UMAD1: variants seen among roughly 807,000 people sequenced by gnomAD.
The protein encoded by UMAD1 is UBAP1-MVB12-associated (UMA)-domain containing protein 1.
A neutral mutation model predicts 6.1 loss-of-function variants in UMAD1; 8 were observed. The ratio of observed to expected loss-of-function variants is 1.30; its 90% CI spans 0.76 to 2.35. UMAD1 has a LOEUF of 2.35. Ranked by LOEUF, UMAD1 falls within the 30% of genes most tolerant of loss-of-function variation. UMAD1 has a pLI of 0.00. For synonymous variants in UMAD1, 56 were observed against 31.4 expected, an observed-to-expected ratio of 1.78 and a Z score of -2.61; for missense variants, 130 against 78.4, an observed-to-expected ratio of 1.66 and a Z score of -2.49.
chr7:7,691,728 CAA>C (rs1780176903), intron 2 of UMAD1, among the ~76,000 whole-genome samples: 1 of 152,176 alleles, frequency 6.6e-6, no homozygotes, highest in Non-Finnish European at 1.5e-5. Context: ...AAGAGACTGA[CAA>C]ATCCCTAATT....
intron 1 of UMAD1, among the ~76,000 whole-genome samples, chr7:7,644,140 G>A (rs1235637978): frequency 6.6e-6 from 1 of 152,112 alleles, no homozygotes; most frequent in East Asian, 1.9e-4. Context: ...TGGATATGAA[G>A]TGTTTTTTTG....
chr7:7,689,817 T>C (rs1780131225), intron 2 of UMAD1, among the ~76,000 whole-genome samples: 1 of 152,284 alleles, frequency 6.6e-6, no homozygotes, highest in South Asian at 2.1e-4. Context: ...ATCAGAAATG[T>C]TGTGCATTTT....
At chr7:7,840,674 T>C (rs1027535984) in intron 3 of UMAD1, among the ~76,000 whole-genome samples, 1 of 152,194 alleles carries the variant, frequency 6.6e-6, no homozygotes, top group Non-Finnish European at 1.5e-5. Flanking sequence ...TTTGTTATTA[T>C]TGTCATCATC....
chr7:7,785,042 G>T (rs1457105682), intron 2 of UMAD1, among the ~76,000 whole-genome samples: 1 of 152,166 alleles, frequency 6.6e-6, no homozygotes, highest in Non-Finnish European at 1.5e-5. Flanking sequence ...TATTTGTGGA[G>T]AACTTTTCCT....
chr7:7,640,931 T>TGGGTGCTGC (rs1267107052), intron 1 of UMAD1, 110 bp downstream of exon 1: 1 of 164,322 alleles, frequency 6.1e-6, no homozygotes, highest in Non-Finnish European at 1.3e-5. Context: ...CGCGGTGCTG[T>TGGGTGCTGC]GGGTGCTGCG....
chr7:7,821,633 T>C (rs1184348803), intron 3 of UMAD1, among the ~76,000 whole-genome samples: 1 of 152,190 alleles, frequency 6.6e-6, no homozygotes, highest in East Asian at 1.9e-4. Flanking sequence ...TTTGGTCTCT[T>C]CAAGGGCTCC....
At chr7:7,746,640 G>A (rs1471911642) in intron 2 of UMAD1, among the ~76,000 whole-genome samples, 1 of 152,246 alleles carries the variant, frequency 6.6e-6, no homozygotes, top group South Asian at 2.1e-4. Context: ...CAAGTGAAAA[G>A]GCTTTGACTT....
At chr7:7,784,876 C>G (rs949515351) in intron 2 of UMAD1, among the ~76,000 whole-genome samples, 1 of 150,654 alleles carries the variant, frequency 6.6e-6, no homozygotes, top group Non-Finnish European at 1.5e-5. Context: ...CATTCTCCTG[C>G]CTCAGCCTCC....
chr7:7,839,025 G>A (rs1472660500), intron 3 of UMAD1, among the ~76,000 whole-genome samples: 3 of 152,198 alleles, frequency 2.0e-5, no homozygotes, highest in African/African-American at 7.2e-5. Context: ...ATAGATGGGA[G>A]TGAGAGCAGA....
intron 3 of UMAD1, among the ~76,000 whole-genome samples, chr7:7,859,882 G>C (rs1240998261): frequency 6.6e-6 from 1 of 152,104 alleles, no homozygotes; most frequent in Non-Finnish European, 1.5e-5. Context: ...TTTCCTTTAA[G>C]AAATTCCAGG....
chr7:7,686,222 A>G (rs1046966339), intron 2 of UMAD1, among the ~76,000 whole-genome samples: 2 of 152,198 alleles, frequency 1.3e-5, no homozygotes, highest in Admixed American at 6.5e-5. Context: ...ATAGCTTCAG[A>G]AGAATCTGAT....
rs188494126 is a variant in UMAD1, at chr7:7,723,158, G to T, written c.82+49705G>T. Among the ~76,000 whole-genome samples the T allele has an allele frequency of 2.7e-4, 41 of 152,322 alleles. No individual in the cohort carries two copies. The East Asian group carries it at 7.3e-3, about 27-fold the overall frequency. ...GTCCTGGTGGGCCCCTAGAGGCAAGGTTCAGAGTGTGACCCATGAGGAGGT... is the reference window on the plus strand; with the variant it reads ...GTCCTGGTGGGCCCCTAGAGGCAAGTTTCAGAGTGTGACCCATGAGGAGGT... On this transcript the variant is annotated intron_variant, in intron 2 of 3. Coordinates refer to ENST00000682710, the MANE Select transcript of UMAD1 (RefSeq NM_001302348.2).
intron 2 of UMAD1, among the ~76,000 whole-genome samples, chr7:7,696,312 AC>A (rs1780315887): frequency 1.3e-5 from 2 of 151,620 alleles, no homozygotes; most frequent in Admixed American, 6.6e-5. Context: ...AAAAAAAAAA[AC>A]ACCCCAAAAC....
intron 2 of UMAD1, among the ~76,000 whole-genome samples, chr7:7,786,731 C>G (rs566185806): frequency 2.1e-4 from 32 of 152,230 alleles, no homozygotes; most frequent in Non-Finnish European, 3.7e-4. Context: ...CCTGTTGCCA[C>G]TGTGCTCTGG....
At chr7:7,827,147 A>ATATG (rs1242634250) in intron 3 of UMAD1, among the ~76,000 whole-genome samples, 78 of 134,196 alleles carry the variant, frequency 5.8e-4, no homozygotes, top group Admixed American at 8.3e-4. Context: ...ATATATATAT[A>ATATG]TGTGTGTGTG....
intron 1 of UMAD1, among the ~76,000 whole-genome samples, chr7:7,645,684 C>A (rs992684770): frequency 6.6e-6 from 1 of 151,926 alleles, no homozygotes; most frequent in African/African-American, 2.4e-5. Flanking sequence ...CATTTTTTGC[C>A]TTAATTGAGA....
At chr7:7,707,658 T>C (rs888683848) in intron 2 of UMAD1, among the ~76,000 whole-genome samples, 1 of 152,214 alleles carries the variant, frequency 6.6e-6, no homozygotes. Flanking sequence ...AAGACCTCTT[T>C]AGTTTTCTGT....
At chr7:7,681,335 A>G (rs1779907893) in intron 2 of UMAD1, among the ~76,000 whole-genome samples, 1 of 152,182 alleles carries the variant, frequency 6.6e-6, no homozygotes, top group Admixed American at 6.5e-5. Context: ...AGTTGATGGA[A>G]TCAACACATC....
rs547134096 is a variant in UMAD1 at position 7,838,482 on chromosome 7, A to G, written c.156+36739A>G. On this transcript the variant is annotated intron_variant, in intron 3 of 3. Coordinates refer to ENST00000682710, the MANE Select transcript of UMAD1 (RefSeq NM_001302348.2). ...TATCAATAAATGGTAAAAGATTATTATCTTACAATCAACATTATCCAGTCA... is the reference window on the plus strand; with the variant it reads ...TATCAATAAATGGTAAAAGATTATTGTCTTACAATCAACATTATCCAGTCA... Among the ~76,000 whole-genome samples the G allele has an allele frequency of 6.9e-4, 105 of 152,342 alleles. 1 individual carries two copies. Among genetic ancestry groups the G allele is most frequent in the Non-Finnish European group, 1.3e-3 (91 of 68,016 alleles).
Sources: allele counts gnomAD v4.1 joint callset (sites outside exome capture counted in the v4.1 genomes callset), GRCh38; gene constraint gnomAD v4.1.1; transcripts MANE v1.5; gene names NCBI Gene and HGNC (gene_info 2026-07-23, HGNC 2026-07-21).